Variants in TSPAN15 observed in about 807,000 individuals in gnomAD.
TSPAN15 encodes the protein tetraspanin 15, also known as tetraspanin-15.
A neutral mutation model predicts 34.5 loss-of-function variants in TSPAN15; 20 were observed. The observed-to-expected ratio is 0.58, with a 90% CI of 0.41 to 0.84. The LOEUF (loss-of-function observed/expected upper bound fraction) is 0.84. Ranked by LOEUF, TSPAN15 falls within the 40% of genes least tolerant of loss-of-function variation. TSPAN15 has a pLI of 0.00. For missense variants in TSPAN15, 313 were observed against 386.1 expected (o/e 0.81, Z 1.59); for synonymous variants, 155 against 153.9 (o/e 1.01, Z -0.05).
the TSPAN15 span, among the ~76,000 whole-genome samples, chr10:69,538,078 T>A: frequency 2.0e-5 from 3 of 152,114 alleles, no homozygotes; most frequent in Non-Finnish European, 4.4e-5. Flanking sequence ...AGGGCACTAA[T>A]CCCATTGTGA....
intron 1 of TSPAN15, among the ~76,000 whole-genome samples, chr10:69,475,042 C>T (rs1345298221): frequency 1.3e-5 from 2 of 152,130 alleles, no homozygotes; most frequent in Non-Finnish European, 2.9e-5. Context: ...CCTTGGGAGG[C>T]AGGCCCGTGG....
intron 3 of TSPAN15, among the ~76,000 whole-genome samples, chr10:69,491,881 C>A (rs568236868): frequency 6.6e-6 from 1 of 152,238 alleles, no homozygotes; most frequent in South Asian, 2.1e-4. Context: ...CCCCTCTGTC[C>A]TCTGTGTTGG....
intron 1 of TSPAN15, 33 bp downstream of exon 1, chr10:69,451,723 G>T: frequency 7.1e-7 from 1 of 1,405,204 alleles, no homozygotes; most frequent in Non-Finnish European, 9.4e-7. Flanking sequence ...GGGGATGGGG[G>T]TGGGGACCCA....
chr10:69,501,827 C>T (rs760985896), intron 5 of TSPAN15, among the ~76,000 whole-genome samples: 117 of 152,180 alleles, frequency 7.7e-4, no homozygotes, highest in African/African-American at 2.6e-3. Context: ...CCTCCTGTCA[C>T]ATCAGCAGCA....
chr10:69,540,884 A>G, the TSPAN15 span, among the ~76,000 whole-genome samples: 1 of 152,100 alleles, frequency 6.6e-6, no homozygotes, highest in African/African-American at 2.4e-5. Context: ...TGCGTTCAGG[A>G]GGAGAGCTGC....
downstream of TSPAN15, among the ~76,000 whole-genome samples, chr10:69,508,840 C>T (rs182647993): frequency 2.0e-5 from 3 of 152,362 alleles, no homozygotes; most frequent in East Asian, 3.9e-4. Flanking sequence ...CACTCAGCCC[C>T]TCTGCTTTAC....
chr10:69,478,910 C>A (rs1165688770), intron 1 of TSPAN15, among the ~76,000 whole-genome samples: 1 of 152,208 alleles, frequency 6.6e-6, no homozygotes, highest in Non-Finnish European at 1.5e-5. Flanking sequence ...CTACTGGTGA[C>A]AAAATTGCAG....
At chr10:69,499,381 T>C (rs916041665) in intron 5 of TSPAN15, among the ~76,000 whole-genome samples, 3 of 152,202 alleles carry the variant, frequency 2.0e-5, no homozygotes, top group African/African-American at 7.2e-5. Flanking sequence ...TGTTTGGAAG[T>C]GTTAGCTGCC....
At chr10:69,488,829 ACAAAGATCACAAGGCAAAGGGCAAAAG>A (rs1250160251) in intron 3 of TSPAN15, among the ~76,000 whole-genome samples, 5 of 152,214 alleles carry the variant, frequency 3.3e-5, no homozygotes, top group Non-Finnish European at 5.9e-5. Flanking sequence ...TAAGGGTCCA[ACAAAGATCACAAGGCAAAGGGCAAAAG>A]CAAAGATCAC....
chr10:69,537,907 A>T, the TSPAN15 span, among the ~76,000 whole-genome samples: 3 of 152,314 alleles, frequency 2.0e-5, no homozygotes, highest in African/African-American at 7.2e-5. Context: ...TGGGGGCCTT[A>T]AGCAACAGAC....
chr10:69,530,779 A>ACTCTCTTTCTCTCT, the TSPAN15 span, among the ~76,000 whole-genome samples: 46 of 50,020 alleles, frequency 9.2e-4, 9 homozygotes, highest in South Asian at 1.9e-3. Context: ...ACAGAGTGAG[A>ACTCTCTTTCTCTCT]CTCTCTCTCT....
intron 1 of TSPAN15, among the ~76,000 whole-genome samples, chr10:69,452,708 A>G (rs1841000267): frequency 6.6e-6 from 1 of 152,180 alleles, no homozygotes. Flanking sequence ...GCCCTATTCT[A>G]GAGATGAGGA....
At position 69,506,542 on chromosome 10, in the gene TSPAN15, T is replaced by C. The variant is rs749995762; in HGVS notation, c.736-287T>C. Among the ~76,000 whole-genome samples the C allele has an allele frequency of 4.7e-4, 72 of 152,032 alleles. No homozygotes were observed. Among genetic ancestry groups the C allele is most frequent in the Non-Finnish European group, 8.5e-4 (58 of 67,986 alleles). On this transcript the variant is annotated intron_variant, in intron 7 of 7. Transcript: ENST00000373290. This position sits in a 1 kb window ranked among gnomAD's most constrained non-coding sequence, Gnocchi z 4.7. ...TGACTTGCCAAGATCCCCTAGATAG[T>C]GTGCAGCAGAGCTGGGGTGGAGGCA... is the stretch of plus-strand genomic sequence containing the variant.
the TSPAN15 span, among the ~76,000 whole-genome samples, chr10:69,540,891 C>T: frequency 1.7e-4 from 26 of 152,266 alleles, no homozygotes; most frequent in Non-Finnish European, 2.5e-4. Flanking sequence ...AGGAGGAGAG[C>T]TGCGGGGCTA....
the TSPAN15 span, among the ~76,000 whole-genome samples, chr10:69,518,643 C>T: frequency 6.6e-6 from 1 of 152,120 alleles, no homozygotes; most frequent in African/African-American, 2.4e-5. Context: ...AGGCTGGTCT[C>T]GAACTCCTGA....
the TSPAN15 span, among the ~76,000 whole-genome samples, chr10:69,518,499 C>T: frequency 6.6e-6 from 1 of 152,246 alleles, no homozygotes; most frequent in Non-Finnish European, 1.5e-5. Context: ...TCTCTGCTCA[C>T]TGCAATCTCC....
the TSPAN15 span, among the ~76,000 whole-genome samples, chr10:69,548,768 A>G: frequency 1.3e-5 from 2 of 152,180 alleles, no homozygotes; most frequent in Admixed American, 6.5e-5. Flanking sequence ...GGAAAGGACA[A>G]TTACTTGGGA....
intron 1 of TSPAN15, among the ~76,000 whole-genome samples, chr10:69,470,256 A>G (rs113437530): frequency 2.6e-5 from 4 of 152,246 alleles, no homozygotes; most frequent in African/African-American, 9.6e-5. Context: ...GGAATATCAC[A>G]TTAGGGGGTG....
chr10:69,495,523 T>C lies in TSPAN15; in HGVS notation c.358-71T>C. The C allele has an allele frequency of 2.6e-6, 3 of 1,160,386 alleles. No individual in the cohort carries two copies. In the South Asian group the frequency reaches 3.7e-5, roughly 14 times the overall value. 71.9% of individuals were successfully genotyped at this position (1,160,386 alleles called of 1,614,324 possible). On this transcript the variant is annotated intron_variant, in intron 3 of 7. Transcript: ENST00000373290. ...CAAGGCATTCTCTACCCATCCAGGC[T>C]TCTGGAAAACCTTGGGTTGGACTCC...
Sources: allele counts gnomAD v4.1 joint callset (sites outside exome capture counted in the v4.1 genomes callset), GRCh38; gene constraint gnomAD v4.1.1; non-coding constraint Gnocchi (gnomAD v3.1); transcripts MANE v1.5; gene names NCBI Gene and HGNC (gene_info 2026-07-23, HGNC 2026-07-21).